Variants in FHAD1 observed in about 807,000 individuals in gnomAD.
FHAD1 encodes forkhead associated phosphopeptide binding domain 1.
A neutral mutation model predicts 191.3 loss-of-function variants in FHAD1; 146 were observed. That is an observed-to-expected ratio of 0.76 (90% CI 0.67 to 0.88). The LOEUF (loss-of-function observed/expected upper bound fraction) is 0.88, where lower values mean the gene tolerates loss of function less well. Among genes scored for constraint, FHAD1 ranks in the 40% least tolerant of loss-of-function variants. The pLI is 0.00. For missense variants in FHAD1, 1,635 were observed against 1,785.8 expected (o/e 0.92, Z 1.52); for synonymous variants, 616 against 672.3 (o/e 0.92, Z 1.29).
At chr1:15,345,839 CAG>C (rs1221074908) in intron 18 of FHAD1, among the ~76,000 whole-genome samples, 8 of 152,120 alleles carry the variant, frequency 5.3e-5, no homozygotes, top group Admixed American at 3.9e-4. Flanking sequence ...GGGAGAATGA[CAG>C]AGTCATGGGA....
chr1:15,308,861 C>A, intron 7 of FHAD1, 125 bp downstream of exon 7: 1 of 1,400,164 alleles, frequency 7.1e-7, no homozygotes, highest in Non-Finnish European at 9.7e-7. Flanking sequence ...CAGAGTTCTT[C>A]CCAGCAGCCC....
intron 14 of FHAD1, among the ~76,000 whole-genome samples, chr1:15,334,894 T>C (rs1361004899): frequency 6.6e-6 from 1 of 152,170 alleles, no homozygotes; most frequent in Admixed American, 6.5e-5. Flanking sequence ...AGAGGCCTCC[T>C]CCTTAGAATC....
At chr1:15,355,555 G>A (rs1692434078) in intron 20 of FHAD1, among the ~76,000 whole-genome samples, 1 of 152,182 alleles carries the variant, frequency 6.6e-6, no homozygotes, top group Non-Finnish European at 1.5e-5. Flanking sequence ...AGGCTGCATG[G>A]TCTACTCGTA....
chr1:15,399,112 G>A (rs905799139), downstream of FHAD1, among the ~76,000 whole-genome samples: 5 of 152,214 alleles, frequency 3.3e-5, no homozygotes, highest in South Asian at 4.2e-4. Context: ...ATGAGCTACC[G>A]CGGCCAGCCT....
upstream of FHAD1, among the ~76,000 whole-genome samples, chr1:15,242,849 G>C (rs1645547327): frequency 2.0e-5 from 3 of 152,276 alleles, no homozygotes; most frequent in African/African-American, 7.2e-5. Flanking sequence ...AACACTCATA[G>C]AGCCATTCAG....
chr1:15,284,102 G>A (rs1240453244), intron 3 of FHAD1, among the ~76,000 whole-genome samples: 2 of 152,086 alleles, frequency 1.3e-5, no homozygotes, highest in Admixed American at 6.5e-5. Flanking sequence ...AGTTATTCTC[G>A]TGATTAGATG....
Position 15,367,553 on chromosome 1 carries a change from A to G in FHAD1, c.3245A>G (p.Lys1082Arg). Residue 1082 changes from lysine to arginine, a missense_variant, in exon 25 of 34, where the codon AAG (lysine) becomes AGG (arginine). By Grantham distance (26) the Lys-to-Arg change is conservative. Coordinates refer to ENST00000688493, the MANE Select transcript of FHAD1 (RefSeq NM_001391957.1). ...AAGGAGCTGAGTGTGCTCAAGGAGAAGATGGCCCAGATGAGCAGCCTGGTA... is the reference window on the plus strand; with the variant it reads ...AAGGAGCTGAGTGTGCTCAAGGAGAGGATGGCCCAGATGAGCAGCCTGGTA... ...QSKELSVLKE[K>R]MAQMSSLVEK... 1 of 1,505,070 alleles carries G rather than the reference A, an allele frequency of 6.6e-7. No homozygotes were observed. The highest frequency in any genetic ancestry group is 8.9e-7 in the Non-Finnish European group (1 of 1,118,624). 93.2% of individuals were successfully genotyped at this position (1,505,070 alleles called of 1,614,324 possible).
chr1:15,360,794 G>A, intron 22 of FHAD1, 91 bp downstream of exon 22: 2 of 1,061,102 alleles, frequency 1.9e-6, no homozygotes, highest in Non-Finnish European at 2.8e-6. Flanking sequence ...CTAAGAAAAA[G>A]GCCGTGCCTC....
At position 15,318,538 on chromosome 1, in the gene FHAD1, G is replaced by A. The variant is rs558181098; in HGVS notation, c.1365+610G>A. 2.0e-5 allele frequency among the ~76,000 whole-genome samples: 3 copies of A among 152,130 alleles called. No homozygotes were observed. Among genetic ancestry groups the A allele is most frequent in the African/African-American group, 7.2e-5 (3 of 41,420 alleles). Reference sequence around the variant, plus strand: ...AATTCCAGCCACTCAGGAGGCTGAGGCAGGAGAATCACTTGAACCTGGGAG... The same window carrying A: ...AATTCCAGCCACTCAGGAGGCTGAGACAGGAGAATCACTTGAACCTGGGAG... On this transcript the variant is annotated intron_variant, in intron 10 of 33. Coordinates refer to ENST00000688493, the MANE Select transcript of FHAD1 (RefSeq NM_001391957.1). The surrounding 1 kb of genome is among the most constrained non-coding windows in gnomAD (Gnocchi z 4.1).
At chr1:15,271,256 TGA>T (rs2101222249) in intron 2 of FHAD1, among the ~76,000 whole-genome samples, 1 of 151,996 alleles carries the variant, frequency 6.6e-6, no homozygotes, top group Non-Finnish European at 1.5e-5. Flanking sequence ...GAGGCTGCAG[TGA>T]GCCGAGATCG....
chr1:15,397,492 T>A lies in FHAD1; in HGVS notation c.*79T>A. On this transcript the variant is annotated 3_prime_UTR_variant, in exon 34 of 34. Coordinates refer to ENST00000688493, the MANE Select transcript of FHAD1 (RefSeq NM_001391957.1). ...TTCTGTGTCATCTGTGTCAAAATAC[T>A]GAGTTGCTTTTGTAAGTCTTTAAAG... 1.6e-6 allele frequency: 1 copy of A among 634,926 alleles called. No individual in the cohort carries two copies. Among genetic ancestry groups the A allele is most frequent in the Non-Finnish European group, 2.6e-6 (1 of 391,812 alleles). The allele number at this position is 634,926 out of a possible 1,614,324, so 39.3% of individuals were successfully genotyped here. A position where few individuals can be genotyped will look rare whatever the true frequency, so the allele number is the denominator to read the frequency against.
chr1:15,246,060 G>A (rs183139644), upstream of FHAD1, among the ~76,000 whole-genome samples: 4 of 152,304 alleles, frequency 2.6e-5, no homozygotes, highest in South Asian at 6.2e-4. Flanking sequence ...TGCACTGCTA[G>A]GGAGGCCTCA....
intron 1 of FHAD1, among the ~76,000 whole-genome samples, chr1:15,247,838 T>C (rs528114837): frequency 1.3e-5 from 2 of 152,342 alleles, no homozygotes; most frequent in African/African-American, 4.8e-5. Context: ...GAAATTTTGC[T>C]TCTCTATCTC....
At chr1:15,255,044 T>C (rs1647330289) in intron 2 of FHAD1, among the ~76,000 whole-genome samples, 2 of 151,872 alleles carry the variant, frequency 1.3e-5, no homozygotes, top group African/African-American at 2.4e-5. Flanking sequence ...CCCCGAGTAA[T>C]AATTCAACAG....
intron 1 of FHAD1, among the ~76,000 whole-genome samples, chr1:15,250,982 G>A (rs537714570): frequency 9.7e-4 from 147 of 152,134 alleles, no homozygotes; most frequent in Non-Finnish European, 9.8e-4. Flanking sequence ...GATACCTCAC[G>A]TATATTATTG....
chr1:15,358,504 C>T (rs545461512), intron 21 of FHAD1, among the ~76,000 whole-genome samples: 99 of 152,308 alleles, frequency 6.5e-4, no homozygotes, highest in Non-Finnish European at 9.3e-4. Flanking sequence ...TCCCCACAGT[C>T]GTGATCACCA....
At chr1:15,341,577 A>T (rs866131608) in intron 15 of FHAD1, among the ~76,000 whole-genome samples, 159 bp from the exon 16 acceptor site, 3 of 152,266 alleles carry the variant, frequency 2.0e-5, no homozygotes, top group Non-Finnish European at 4.4e-5. Flanking sequence ...CCAGAGTCTG[A>T]ATTCTTAACC....
chr1:15,313,695 T>C (rs1401883273), intron 8 of FHAD1, among the ~76,000 whole-genome samples: 3 of 152,212 alleles, frequency 2.0e-5, no homozygotes, highest in Non-Finnish European at 4.4e-5. Context: ...AGACAGACTT[T>C]CATTTCTTCC....
chr1:15,324,365 C>A, intron 10 of FHAD1, 87 bp from the exon 11 acceptor site: 2 of 1,077,688 alleles, frequency 1.9e-6, no homozygotes, highest in South Asian at 1.4e-5. Context: ...TGGGACCCCC[C>A]ACGGCCATTA....
Sources: gnomAD v4.1 joint callset for allele counts (sites outside exome capture counted in the v4.1 genomes callset) on GRCh38, gnomAD v4.1.1 for gene constraint, Gnocchi (gnomAD v3.1) non-coding constraint, MANE v1.5 for transcripts, NCBI Gene and HGNC (gene_info 2026-07-23, HGNC 2026-07-21) for gene names.